FXR1: variants seen among roughly 807,000 people sequenced by gnomAD.
The protein encoded by FXR1 is RNA-binding protein FXR1.
Under a neutral mutation model 84.0 loss-of-function variants are expected in FXR1, and 15 were observed. That is an observed-to-expected ratio of 0.18 (90% CI 0.12 to 0.27). FXR1 has a LOEUF of 0.27. FXR1 is among the 10% of genes least tolerant of loss of function. The pLI, the probability that FXR1 is intolerant of heterozygous loss-of-function variation, is 1.00. For missense variants in FXR1, 480 were observed against 774.4 expected (o/e 0.62, Z 4.51); for synonymous variants, 245 against 250.7 (o/e 0.98, Z 0.21).
intron 1 of FXR1, among the ~76,000 whole-genome samples, chr3:180,918,699 T>A (rs916127786): frequency 1.3e-5 from 2 of 152,222 alleles, no homozygotes; most frequent in African/African-American, 2.4e-5. Flanking sequence ...ATGAAGCAGT[T>A]GTATTTCCTT....
intron 15 of FXR1, 35 bp downstream of exon 15, chr3:180,970,393 T>C: frequency 3.8e-6 from 1 of 262,270 alleles, no homozygotes; most frequent in Non-Finnish European, 7.0e-6. Context: ...AATATATATA[T>C]ATATATATAT....
intron 1 of FXR1, among the ~76,000 whole-genome samples, chr3:180,921,180 G>A (rs1039752431): frequency 2.0e-5 from 3 of 152,094 alleles, no homozygotes; most frequent in Middle Eastern, 3.4e-3. Context: ...GACCAGCCCG[G>A]CCAACATGGT....
intron 3 of FXR1, among the ~76,000 whole-genome samples, chr3:180,936,022 G>T (rs369730299): frequency 6.6e-6 from 1 of 151,650 alleles, no homozygotes; most frequent in Non-Finnish European, 1.5e-5. Context: ...CTCCTGAATA[G>T]CTGGAACTAC....
intron 1 of FXR1, among the ~76,000 whole-genome samples, chr3:180,922,178 A>G (rs1410948736): frequency 1.3e-5 from 2 of 152,202 alleles, no homozygotes. Context: ...ATATCAAAGA[A>G]TGGGATAGCT....
At chr3:180,927,768 TTAAAGGAGATTTG>T in intron 1 of FXR1, 1 of 441,440 alleles carries the variant, frequency 2.3e-6, no homozygotes, top group Admixed American at 4.1e-5. Context: ...GTTTAACAAT[TTAAAGGAGATTTG>T]TATATTATTA....
At position 180,949,314 on chromosome 3, in the gene FXR1, A is replaced by C; in HGVS notation, c.601A>C (p.Arg201=). The C allele has an allele frequency of 6.4e-7, 1 of 1,550,530 alleles. No individual in the cohort carries two copies. ...SIRTKLMLMS[R]NEEATKHLEC... is the part of the protein sequence containing the mutation. The stretch of plus-strand genomic sequence containing the variant: ...TCGTACGAAGTTGATGCTTATGTCC[A>C]GAAATGAAGAGGCCACTAAGCATTT... Residue 201 remains arginine (R), a synonymous_variant, in exon 7 of 17, where the codon AGA becomes CGA. Coordinates refer to ENST00000357559, the MANE Select transcript of FXR1 (RefSeq NM_005087.4).
At chr3:180,925,758 CTGATAAT>C (rs1344688855) in intron 1 of FXR1, among the ~76,000 whole-genome samples, 1 of 152,140 alleles carries the variant, frequency 6.6e-6, no homozygotes, top group Admixed American at 6.6e-5. Flanking sequence ...AATAAATAAA[CTGATAAT>C]TGATCAAGGG....
At chr3:180,946,898 C>T (rs1721752543) in intron 3 of FXR1, among the ~76,000 whole-genome samples, 1 of 152,174 alleles carries the variant, frequency 6.6e-6, no homozygotes, top group African/African-American at 2.4e-5. Flanking sequence ...CCCTTTTCTA[C>T]CTTTCTCTAT....
intron 1 of FXR1, among the ~76,000 whole-genome samples, chr3:180,921,501 C>T (rs190344638): frequency 4.6e-5 from 7 of 151,788 alleles, no homozygotes; most frequent in African/African-American, 7.3e-5. Flanking sequence ...GATTTAGTTG[C>T]GTAGATCTTT....
At chr3:180,971,924 AC>A (rs1456370217) in intron 15 of FXR1, 2 of 152,454 alleles carry the variant, frequency 1.3e-5, no homozygotes, top group African/African-American at 4.8e-5. Context: ...TCTTTCCAAA[AC>A]CAGTTCTTTC....
chr3:180,936,483 G>T (rs1420453420), intron 3 of FXR1, among the ~76,000 whole-genome samples: 1 of 148,764 alleles, frequency 6.7e-6, no homozygotes, highest in African/African-American at 2.5e-5. Context: ...GGCCAGGCTG[G>T]TCTTGAACTC....
intron 1 of FXR1, among the ~76,000 whole-genome samples, chr3:180,920,951 A>G (rs1019552706): frequency 6.6e-6 from 1 of 152,184 alleles, no homozygotes; most frequent in Non-Finnish European, 1.5e-5. Flanking sequence ...ACACTTGTGT[A>G]TTCTTAAAGA....
intron 12 of FXR1, 44 bp downstream of exon 12, chr3:180,962,984 G>C (rs1398451108): frequency 3.1e-6 from 5 of 1,607,902 alleles, no homozygotes. Flanking sequence ...CTGAAAAAGA[G>C]AAAGGATATG....
At chr3:180,947,781 T>C in intron 3 of FXR1, 84 bp from the exon 4 acceptor site, 1 of 572,220 alleles carries the variant, frequency 1.7e-6, no homozygotes, top group Admixed American at 2.9e-5. Flanking sequence ...TTAAGTTTAT[T>C]GGGATTGGGT....
intron 13 of FXR1, 101 bp from the exon 14 acceptor site, chr3:180,967,950 A>G: frequency 4.0e-6 from 3 of 740,982 alleles, no homozygotes; most frequent in Non-Finnish European, 7.2e-6. Context: ...GCAGCCAAAC[A>G]GTATTGCTTA....
chr3:180,914,481 A>G (rs1349006929), intron 1 of FXR1, among the ~76,000 whole-genome samples: 1 of 151,948 alleles, frequency 6.6e-6, no homozygotes, highest in Non-Finnish European at 1.5e-5. Context: ...ATTTTGCTTT[A>G]TTTCATGGTT....
intron 8 of FXR1, among the ~76,000 whole-genome samples, 181 bp from the exon 9 acceptor site, chr3:180,953,581 A>ATT (rs565644240): frequency 6.6e-6 from 1 of 151,678 alleles, no homozygotes; most frequent in Non-Finnish European, 1.5e-5. Context: ...TTTAAAAATG[A>ATT]TTTTTTTTTA....
At chr3:180,974,387 C>T (rs772865184) in intron 15 of FXR1, among the ~76,000 whole-genome samples, 1 of 152,114 alleles carries the variant, frequency 6.6e-6, no homozygotes, top group Non-Finnish European at 1.5e-5. Context: ...AGGTGATCTG[C>T]CCACCTTGGC....
chr3:180,928,123 TGA>T, intron 1 of FXR1, among the ~76,000 whole-genome samples: 1 of 141,998 alleles, frequency 7.0e-6, no homozygotes, highest in Non-Finnish European at 1.5e-5. Context: ...TTTTATCTAT[TGA>T]TTTTTTTTTT....
Sources: allele counts gnomAD v4.1 joint callset (sites outside exome capture counted in the v4.1 genomes callset), GRCh38; gene constraint gnomAD v4.1.1; transcripts MANE v1.5; gene names NCBI Gene and HGNC (gene_info 2026-07-23, HGNC 2026-07-21).